ELF3: variants seen among roughly 807,000 people sequenced by gnomAD.
The protein encoded by ELF3 is E74 like ETS transcription factor 3.
In ELF3, 18 loss-of-function variants were observed where a neutral mutation model predicts 43.9. The observed-to-expected ratio is 0.41, with a 90% CI of 0.28 to 0.61. The LOEUF (loss-of-function observed/expected upper bound fraction) is 0.61. Among genes scored for constraint, ELF3 ranks in the 20% least tolerant of loss-of-function variants. ELF3 has a pLI of 0.30. For missense variants in ELF3, 373 were observed against 487.7 expected, an observed-to-expected ratio of 0.76 and a Z score of 2.21; for synonymous variants, 181 against 190.2, an observed-to-expected ratio of 0.95 and a Z score of 0.40.
At position 202,015,773 on chromosome 1, in the gene ELF3, G is replaced by A. The variant is rs911280639; in HGVS notation, c.*450G>A. 3.8e-5 allele frequency: 7 copies of A among 183,596 alleles called. No individual in the cohort carries two copies. The highest frequency in any genetic ancestry group is 2.3e-5 in the Non-Finnish European group (2 of 85,256). 11.4% of individuals were successfully genotyped at this position (183,596 alleles called of 1,614,324 possible). A position where few individuals can be genotyped will look rare whatever the true frequency, so the allele number is the denominator to read the frequency against. Reference sequence around the variant, plus strand: ...TCCCTGCTCAGTGCTTGGGCTCCACGGGCAGGGGTCAGAGCACTCCCTAAT... The same window carrying A: ...TCCCTGCTCAGTGCTTGGGCTCCACAGGCAGGGGTCAGAGCACTCCCTAAT... On this transcript the variant is annotated 3_prime_UTR_variant, in exon 9 of 9. Transcript: ENST00000367284.
Position 202,012,960 on chromosome 1 carries a change from T to C in ELF3, c.612T>C (p.Ser204=). The C allele has an allele frequency of 6.2e-7, 1 of 1,612,442 alleles. No homozygotes were observed. Reference sequence around the variant, plus strand: ...CCCGCCCCCCAGGGACTGGTGCTTCTCGGAGCTCCCACTCCTCAGACTCCG... The same window carrying C: ...CCCGCCCCCCAGGGACTGGTGCTTCCCGGAGCTCCCACTCCTCAGACTCCG... The part of the protein sequence containing the change: ...SDVSTAGTGA[S]RSSHSSDSGG... Residue 204 remains serine (S), a synonymous_variant, in exon 6 of 9, where the codon TCT becomes TCC. Transcript: ENST00000367284. This position sits in a 1 kb window ranked among gnomAD's most constrained non-coding sequence, Gnocchi z 4.2.
chr1:202,012,888 G>A lies in ELF3; in HGVS notation c.599-59G>A. ...GCTGGGAAGTGTGTCCTGAGAGCCAGCAGCGTGGTTGAGCAGAGGGTGGGC... is the reference window on the plus strand; with the variant it reads ...GCTGGGAAGTGTGTCCTGAGAGCCAACAGCGTGGTTGAGCAGAGGGTGGGC... On this transcript the variant is annotated intron_variant, in intron 5 of 8. Transcript: ENST00000367284. The surrounding 1 kb of genome is among the most constrained non-coding windows in gnomAD (Gnocchi z 4.2). 7 of 1,569,374 alleles carry A rather than the reference G, an allele frequency of 4.5e-6. No homozygotes were observed. The highest frequency in any genetic ancestry group is 1.8e-5 in the Admixed American group (1 of 54,424).
In ELF3 at chr1:202,015,368, C is replaced by G. The variant is rs1303488461; in HGVS notation, c.*45C>G. 1 of 1,593,156 alleles carries G rather than the reference C, an allele frequency of 6.3e-7. No homozygotes were observed. Among genetic ancestry groups the G allele is most frequent in the Non-Finnish European group, 8.6e-7 (1 of 1,164,746 alleles). The stretch of plus-strand genomic sequence containing the variant: ...GACCAAACTCACGGACCACTCGAGG[C>G]CTGCAAACCTTCCTGGGAGGACAGG... On this transcript the variant is annotated 3_prime_UTR_variant, in exon 9 of 9. Coordinates refer to ENST00000367284, the MANE Select transcript of ELF3 (RefSeq NM_004433.5).
At position 202,012,009 on chromosome 1, in the gene ELF3, T is replaced by G. The variant is rs2102992025; in HGVS notation, c.216T>G (p.Val72=). Reference sequence around the variant, plus strand: ...CCCAGTTCTGGTCGAAGACGCAGGTTCTGGACTGGATCAGCTACCAAGTGG... The same window carrying G: ...CCCAGTTCTGGTCGAAGACGCAGGTGCTGGACTGGATCAGCTACCAAGTGG... ...EQPQFWSKTQ[V]LDWISYQVEK... Residue 72 remains valine (V), a synonymous_variant, in exon 3 of 9, where the codon GTT becomes GTG. Coordinates refer to ENST00000367284, the MANE Select transcript of ELF3 (RefSeq NM_004433.5). This position sits in a 1 kb window ranked among gnomAD's most constrained non-coding sequence, Gnocchi z 4.2. 6.2e-7 allele frequency: 1 copy of G among 1,614,166 alleles called. No homozygotes were observed. Among genetic ancestry groups the G allele is most frequent in the South Asian group, 1.1e-5 (1 of 91,090 alleles).
chr1:202,015,503 C>T lies in ELF3; in HGVS notation c.*180C>T, dbSNP rs1286714340. 9.8e-5 allele frequency: 60 copies of T among 612,304 alleles called. 1 individual carries two copies. In the South Asian group the frequency reaches 9.9e-4, roughly 10 times the overall value. 37.9% of individuals were successfully genotyped at this position (612,304 alleles called of 1,614,324 possible). ...TCCTGGGACTCGGAGACTATGGCCTCGCCTCCCCACCCTCCTCTTGGAATT... is the reference window on the plus strand; with the variant it reads ...TCCTGGGACTCGGAGACTATGGCCTTGCCTCCCCACCCTCCTCTTGGAATT... On this transcript the variant is annotated 3_prime_UTR_variant, in exon 9 of 9. Coordinates refer to ENST00000367284, the MANE Select transcript of ELF3 (RefSeq NM_004433.5).
chr1:202,014,171 C>A, intron 8 of ELF3, 147 bp downstream of exon 8: 1 of 976,386 alleles, frequency 1.0e-6, no homozygotes, highest in Non-Finnish European at 1.5e-6. Flanking sequence ...TGGTCTACTT[C>A]ATGGATTAAA....
Position 202,013,003 on chromosome 1 carries a change from C to G in ELF3, c.655C>G (p.Leu219Val). 1.9e-6 allele frequency: 3 copies of G among 1,613,892 alleles called. No homozygotes were observed. Among genetic ancestry groups the G allele is most frequent in the Non-Finnish European group, 2.5e-6 (3 of 1,179,882 alleles). ...SSDSGGSDVD[L>V]DPTDGKLFPS... ...AGACTCCGGTGGAAGTGACGTGGAC[C>G]TGGATCCCACTGATGGCAAGCTCTT... Residue 219 changes from leucine (L) to valine (V), a missense_variant, in exon 6 of 9, where the codon CTG (leucine) becomes GTG (valine). By Grantham distance (32) the Leu-to-Val change is conservative. Coordinates refer to ENST00000367284, the MANE Select transcript of ELF3 (RefSeq NM_004433.5). This position sits in a 1 kb window ranked among gnomAD's most constrained non-coding sequence, Gnocchi z 5.7.
intron 8 of ELF3, 151 bp downstream of exon 8, chr1:202,014,175 G>C (rs892164861): frequency 1.1e-6 from 1 of 928,042 alleles, no homozygotes; most frequent in Non-Finnish European, 1.6e-6. Context: ...CTACTTCATG[G>C]ATTAAATGAC....
rs1223729476 is a variant in ELF3 at position 202,011,769 on chromosome 1, G to A, written c.164-188G>A. 6 of 615,706 alleles carry A rather than the reference G, an allele frequency of 9.7e-6. No homozygotes were observed. In the Admixed American group the frequency reaches 1.8e-4, roughly 18 times the overall value. 38.1% of individuals were successfully genotyped at this position (615,706 alleles called of 1,614,324 possible). On this transcript the variant is annotated intron_variant, in intron 2 of 8. Coordinates refer to ENST00000367284, the MANE Select transcript of ELF3 (RefSeq NM_004433.5). Reference sequence around the variant, plus strand: ...GTGGGCACCTATAATCCCAGCTACTGGGGAGGCTGACGCAGGAGTATCGCT... The same window carrying A: ...GTGGGCACCTATAATCCCAGCTACTAGGGAGGCTGACGCAGGAGTATCGCT...
chr1:202,012,766 G>A lies in ELF3; in HGVS notation c.598+7G>A, dbSNP rs1398468941. 2.6e-6 allele frequency: 4 copies of A among 1,553,792 alleles called. No homozygotes were observed. The highest frequency in any genetic ancestry group is 2.6e-6 in the Non-Finnish European group (3 of 1,150,850). ...TCTGACGTCTCCACCGCAGGTGAGA[G>A]CTCTCTCTGGGCCACAACCTCCCTT... On this transcript the variant is annotated splice_region_variant and intron_variant, in intron 5 of 8. Transcript: ENST00000367284. The surrounding 1 kb of genome is among the most constrained non-coding windows in gnomAD (Gnocchi z 4.2).
chr1:202,013,821 C>T lies in ELF3; in HGVS notation c.806-8C>T, dbSNP rs1441827992. On this transcript the variant is annotated splice_polypyrimidine_tract_variant and splice_region_variant and intron_variant, in intron 7 of 8. Coordinates refer to ENST00000367284, the MANE Select transcript of ELF3 (RefSeq NM_004433.5). This position sits in a 1 kb window ranked among gnomAD's most constrained non-coding sequence, Gnocchi z 5.7. ...TGGATGGCAAACTGATGGAGGCTGGCCTTGCAGCGCCCAGAGGCACCCACC... is the reference window on the plus strand; with the variant it reads ...TGGATGGCAAACTGATGGAGGCTGGTCTTGCAGCGCCCAGAGGCACCCACC... The T allele has an allele frequency of 6.2e-7, 1 of 1,605,546 alleles. No homozygotes were observed. The highest frequency in any genetic ancestry group is 8.5e-7 in the Non-Finnish European group (1 of 1,173,892).
Position 202,012,920 on chromosome 1 carries a change from G to C in ELF3, c.599-27G>C. On this transcript the variant is annotated intron_variant, in intron 5 of 8. Coordinates refer to ENST00000367284, the MANE Select transcript of ELF3 (RefSeq NM_004433.5). The surrounding 1 kb of genome is among the most constrained non-coding windows in gnomAD (Gnocchi z 4.2). ...GGTTGAGCAGAGGGTGGGCCGGCAG[G>C]GGACTTACTCTGACCCCGCCCCCCA... is the stretch of plus-strand genomic sequence containing the variant. 1.3e-6 allele frequency: 2 copies of C among 1,592,632 alleles called. No homozygotes were observed. The highest frequency in any genetic ancestry group is 1.7e-6 in the Non-Finnish European group (2 of 1,170,592).
Position 202,013,004 on chromosome 1 carries a change from T to C in ELF3, c.656T>C (p.Leu219Pro), listed in dbSNP as rs756147031. The C allele has an allele frequency of 1.2e-6, 2 of 1,613,796 alleles. No individual in the cohort carries two copies. The highest frequency in any genetic ancestry group is 2.2e-5 in the South Asian group (2 of 91,018). Residue 219 changes from leucine to proline, a missense_variant, in exon 6 of 9, where the codon CTG (leucine) becomes CCG (proline). Transcript: ENST00000367284. The surrounding 1 kb of genome is among the most constrained non-coding windows in gnomAD (Gnocchi z 5.7). Reference sequence around the variant, plus strand: ...GACTCCGGTGGAAGTGACGTGGACCTGGATCCCACTGATGGCAAGCTCTTC... The same window carrying C: ...GACTCCGGTGGAAGTGACGTGGACCCGGATCCCACTGATGGCAAGCTCTTC... ...SSDSGGSDVD[L>P]DPTDGKLFPS...
rs1277815735 is a variant in ELF3 at position 202,013,268 on chromosome 1, G to A, written c.775G>A (p.Asp259Asn). 1 of 1,614,170 alleles carries A rather than the reference G, an allele frequency of 6.2e-7. No individual in the cohort carries two copies. The highest frequency in any genetic ancestry group is 8.5e-7 in the Non-Finnish European group (1 of 1,180,028). Reference protein sequence around the residue: ...RPRKLSKEYWDCLEGKKSKHA... With the variant: ...RPRKLSKEYWNCLEGKKSKHA... ...CCGAAAGCTGAGCAAAGAGTACTGG[G>A]ACTGTCTCGAGGGCAAGAAGAGCAA... Residue 259 changes from aspartate (D) to asparagine (N), a missense_variant, in exon 7 of 9, where the codon GAC becomes AAC. Asp to Asn is a conservative substitution (Grantham distance 23). This residue lies in a region of ELF3 where 311 missense variants were observed against 351.2 expected (regional missense o/e 0.89). Coordinates refer to ENST00000367284, the MANE Select transcript of ELF3 (RefSeq NM_004433.5). This position sits in a 1 kb window ranked among gnomAD's most constrained non-coding sequence, Gnocchi z 5.7.
At position 202,011,439 on chromosome 1, in the gene ELF3, G is replaced by T. The variant is rs1390975104; in HGVS notation, c.163+140G>T. Reference sequence around the variant, plus strand: ...TAGAGGCTGAGACTTAGTGACTGAGGTGCTGGGGGTTGTGGGGCTGTGACA... The same window carrying T: ...TAGAGGCTGAGACTTAGTGACTGAGTTGCTGGGGGTTGTGGGGCTGTGACA... On this transcript the variant is annotated intron_variant, in intron 2 of 8. Transcript: ENST00000367284. 2.2e-5 allele frequency: 25 copies of T among 1,114,576 alleles called. No homozygotes were observed. In the Admixed American group the frequency reaches 8.2e-4, roughly 37 times the overall value. 69.0% of individuals were successfully genotyped at this position (1,114,576 alleles called of 1,614,324 possible).
rs1684295207 is a variant in ELF3 at position 202,015,629 on chromosome 1, C to T, written c.*306C>T. The stretch of plus-strand genomic sequence containing the variant: ...TCTCAGACACTAAATGCAGACAACA[C>T]CTTCCTCCTGCAGACACCTGGACTG... On this transcript the variant is annotated 3_prime_UTR_variant, in exon 9 of 9. Coordinates refer to ENST00000367284, the MANE Select transcript of ELF3 (RefSeq NM_004433.5). The T allele has an allele frequency of 1.4e-5, 5 of 363,710 alleles. No individual in the cohort carries two copies. Among genetic ancestry groups the T allele is most frequent in the Non-Finnish European group, 2.6e-5 (5 of 190,020 alleles). The allele number at this position is 363,710 out of a possible 1,614,324, so 22.5% of individuals were successfully genotyped here.
Position 202,012,114 on chromosome 1 carries a change from T to G in ELF3, c.321T>G (p.Leu107=). 6.2e-7 allele frequency: 1 copy of G among 1,614,080 alleles called. No individual in the cohort carries two copies. The highest frequency in any genetic ancestry group is 1.1e-5 in the South Asian group (1 of 91,072). Residue 107 remains leucine (L), a synonymous_variant, in exon 3 of 9, where the codon CTT becomes CTG. Transcript: ENST00000367284. This position sits in a 1 kb window ranked among gnomAD's most constrained non-coding sequence, Gnocchi z 4.2. ...GCGCCACCCTCTGCAATTGTGCCCT[T>G]GAGGAGCTGCGTCTGGTCTTTGGGC... ...MDGATLCNCA[L]EELRLVFGPL... is the part of the protein sequence containing the mutation.
In ELF3 at chr1:202,013,813, G is replaced by A; in HGVS notation, c.806-16G>A. The A allele has an allele frequency of 1.2e-6, 2 of 1,600,654 alleles. No homozygotes were observed. Among genetic ancestry groups the A allele is most frequent in the Non-Finnish European group, 1.7e-6 (2 of 1,170,526 alleles). On this transcript the variant is annotated splice_polypyrimidine_tract_variant and intron_variant, in intron 7 of 8. Coordinates refer to ENST00000367284, the MANE Select transcript of ELF3 (RefSeq NM_004433.5). This position sits in a 1 kb window ranked among gnomAD's most constrained non-coding sequence, Gnocchi z 5.7. ...GGGACACCTGGATGGCAAACTGATG[G>A]AGGCTGGCCTTGCAGCGCCCAGAGG...
rs1684291159 is a variant in ELF3 at position 202,015,398 on chromosome 1, C to T, written c.*75C>T. 1 of 1,389,086 alleles carries T rather than the reference C, an allele frequency of 7.2e-7. No individual in the cohort carries two copies. 86.0% of individuals were successfully genotyped at this position (1,389,086 alleles called of 1,614,324 possible). On this transcript the variant is annotated 3_prime_UTR_variant, in exon 9 of 9. Coordinates refer to ENST00000367284, the MANE Select transcript of ELF3 (RefSeq NM_004433.5). ...AAACCTTCCTGGGAGGACAGGCAGG[C>T]CAGATGGCCCCTCCACTGGGGAATG...
Sources: allele counts gnomAD v4.1 joint callset, GRCh38; gene constraint gnomAD v4.1.1; regional missense constraint gnomAD v4.1.1; non-coding constraint Gnocchi (gnomAD v3.1); transcripts MANE v1.5; gene names NCBI Gene and HGNC (gene_info 2026-07-23, HGNC 2026-07-21).